CADM2: variants seen among roughly 807,000 people sequenced by gnomAD.
The protein encoded by CADM2 is immunoglobulin superfamily member 4D.
CADM2 carries 12 observed loss-of-function variants against 49.8 expected under a neutral mutation model. The ratio of observed to expected loss-of-function variants is 0.24; its 90% confidence interval spans 0.15 to 0.39. The LOEUF is 0.39. Among genes scored for constraint, CADM2 ranks in the 10% least tolerant of loss-of-function variants. CADM2 has a pLI of 1.00. For missense variants in CADM2, 378 were observed against 492.3 expected (o/e 0.77, Z 2.20); for synonymous variants, 214 against 175.4 (o/e 1.22, Z -1.74).
chr3:85,643,044 G>T (rs1365789321), intron 1 of CADM2, among the ~76,000 whole-genome samples: 1 of 152,098 alleles, frequency 6.6e-6, no homozygotes, highest in South Asian at 2.1e-4. Flanking sequence ...ATTCTTAAAT[G>T]TGTGGTCAAA....
chr3:85,870,291 A>G (rs144172618), intron 3 of CADM2, among the ~76,000 whole-genome samples: 45 of 151,726 alleles, frequency 3.0e-4, no homozygotes, highest in African/African-American at 1.1e-3. Context: ...GTACATGTGC[A>G]GATTTGTTAT....
At chr3:85,336,201 G>T (rs1326540191) in intron 1 of CADM2, among the ~76,000 whole-genome samples, 2 of 151,250 alleles carry the variant, frequency 1.3e-5, no homozygotes, top group Non-Finnish European at 3.0e-5. Context: ...TCTCCTCATT[G>T]CCAAGTGGAA....
intron 2 of CADM2, among the ~76,000 whole-genome samples, chr3:85,795,853 G>T (rs973118409): frequency 1.1e-4 from 17 of 152,068 alleles, no homozygotes; most frequent in African/African-American, 3.9e-4. Context: ...AACAAACAGG[G>T]ATAAAGCCTT....
intron 2 of CADM2, among the ~76,000 whole-genome samples, chr3:85,729,258 G>A (rs1208214048): frequency 6.6e-6 from 1 of 151,946 alleles, no homozygotes; most frequent in Non-Finnish European, 1.5e-5. Flanking sequence ...TGAAATACAG[G>A]TTTTATTCAG....
intron 3 of CADM2, among the ~76,000 whole-genome samples, chr3:85,850,417 C>A (rs1350891603): frequency 6.7e-6 from 1 of 148,388 alleles, no homozygotes; most frequent in African/African-American, 2.5e-5. Context: ...CTCCGCCTCC[C>A]GGGTTCACAC....
At chr3:86,017,173 T>TGTGC (rs1453447544) in intron 8 of CADM2, among the ~76,000 whole-genome samples, 21 of 71,026 alleles carry the variant, frequency 3.0e-4, no homozygotes, top group African/African-American at 2.7e-3. Flanking sequence ...TGTGTGTATA[T>TGTGC]ATATATATAT....
chr3:85,850,556 C>T lies in CADM2; in HGVS notation c.239-32735C>T, dbSNP rs568205343. On this transcript the variant is annotated intron_variant, in intron 3 of 9. Transcript: ENST00000383699. ...TGTTTGCAAGGATGGTCTGGATTTC[C>T]TGACCTCCTGATCCGCCCGCCTCGG... 9.7e-4 allele frequency among the ~76,000 whole-genome samples: 148 copies of T among 151,928 alleles called. 1 individual carries two copies. The highest frequency in any genetic ancestry group is 3.4e-3 in the Middle Eastern group (1 of 294).
chr3:85,061,254 T>C (rs529847378), intron 1 of CADM2, among the ~76,000 whole-genome samples: 3 of 152,272 alleles, frequency 2.0e-5, no homozygotes, highest in African/African-American at 7.2e-5. Context: ...ACATAGAATG[T>C]TCATTGCCAG....
intron 8 of CADM2, among the ~76,000 whole-genome samples, chr3:86,062,406 C>T (rs959898562): frequency 1.3e-5 from 2 of 152,002 alleles, no homozygotes; most frequent in African/African-American, 4.8e-5. Context: ...TAACTAGTAA[C>T]TTTAATTTTA....
At chr3:85,977,184 A>C (rs924593143) in intron 8 of CADM2, among the ~76,000 whole-genome samples, 10 of 151,354 alleles carry the variant, frequency 6.6e-5, no homozygotes, top group Admixed American at 6.0e-4. Context: ...CTAAACTAAA[A>C]ACAAAACCAA....
chr3:85,259,010 G>A (rs1395416118), intron 1 of CADM2, among the ~76,000 whole-genome samples: 2 of 152,136 alleles, frequency 1.3e-5, no homozygotes, highest in African/African-American at 4.8e-5. Context: ...TCTATTCAAT[G>A]AGGACTGGCG....
At chr3:86,037,442 G>C (rs960776966) in intron 8 of CADM2, among the ~76,000 whole-genome samples, 2 of 149,652 alleles carry the variant, frequency 1.3e-5, no homozygotes, top group South Asian at 4.1e-4. Context: ...TTTAAGAGAG[G>C]GGGGCAGGGC....
At position 85,802,210 on chromosome 3, in the gene CADM2, C is replaced by A; in HGVS notation, c.238+14C>A. 6.3e-7 allele frequency: 1 copy of A among 1,596,706 alleles called. No individual in the cohort carries two copies. Among genetic ancestry groups the A allele is most frequent in the East Asian group, 2.3e-5 (1 of 44,428 alleles). On this transcript the variant is annotated intron_variant, in intron 3 of 9. Transcript: ENST00000383699. ...ACGACAAGAAAGGTGAATACATTTT[C>A]TTTCAAATGTTTTAATCGTATTCTA...
At chr3:85,167,503 T>C (rs2040502316) in intron 1 of CADM2, among the ~76,000 whole-genome samples, 1 of 152,104 alleles carries the variant, frequency 6.6e-6, no homozygotes, top group South Asian at 2.1e-4. Flanking sequence ...GCCAAATACT[T>C]TGTAAGGAAT....
At chr3:85,777,816 T>C (rs2070433704) in intron 2 of CADM2, among the ~76,000 whole-genome samples, 1 of 152,190 alleles carries the variant, frequency 6.6e-6, no homozygotes, top group Non-Finnish European at 1.5e-5. Flanking sequence ...TGTTCCAGTA[T>C]AGAGCAGTGA....
intron 1 of CADM2, among the ~76,000 whole-genome samples, chr3:85,441,767 T>C (rs181587360): frequency 6.6e-6 from 1 of 152,084 alleles, no homozygotes; most frequent in East Asian, 1.9e-4. Context: ...TAGCTTAGCT[T>C]GAATAGAGTG....
chr3:85,305,620 G>A (rs980573314), intron 1 of CADM2, among the ~76,000 whole-genome samples: 4 of 151,424 alleles, frequency 2.6e-5, no homozygotes. Flanking sequence ...TTGCAAAATG[G>A]GTTGACATTA....
chr3:85,400,627 G>T (rs71626887), intron 1 of CADM2, among the ~76,000 whole-genome samples: 38,050 of 151,988 alleles, frequency 0.25, 4,938 homozygotes, highest in South Asian at 0.34. Context: ...CAATTTCAGA[G>T]CCTGTTATTG....
At chr3:85,271,190 C>A (rs2043234162) in intron 1 of CADM2, among the ~76,000 whole-genome samples, 2 of 151,366 alleles carry the variant, frequency 1.3e-5, no homozygotes, top group South Asian at 4.1e-4. Flanking sequence ...AGAGTGAATT[C>A]AATCTCTAAT....
Sources: allele counts gnomAD v4.1 joint callset (sites outside exome capture counted in the v4.1 genomes callset), GRCh38; gene constraint gnomAD v4.1.1; transcripts MANE v1.5; gene names NCBI Gene and HGNC (gene_info 2026-07-23, HGNC 2026-07-21).